Variants in GLI2 observed in about 807,000 individuals in gnomAD.
GLI2 encodes GLI family zinc finger 2, also known as transcription activator GLI2.
A neutral mutation model predicts 78.9 loss-of-function variants in GLI2; 22 were observed. That is an observed-to-expected ratio of 0.28 (90% CI 0.20 to 0.40). The LOEUF is 0.40. Among genes scored for constraint, GLI2 ranks in the 10% least tolerant of loss-of-function variants. The pLI is 1.00. For missense variants in GLI2, 2,097 were observed against 2,213.2 expected, an observed-to-expected ratio of 0.95 and a Z score of 1.05; for synonymous variants, 974 against 963.7, an observed-to-expected ratio of 1.01 and a Z score of -0.20.
chr2:120,989,513 G>T lies in GLI2; in HGVS notation c.3548G>T (p.Ser1183Ile). Reference sequence around the variant, plus strand: ...CAGGCTAGCCCTGGGGGCCTGGACAGCACGCAGCCACACCTGCAGCCCCGC... The same window carrying T: ...CAGGCTAGCCCTGGGGGCCTGGACATCACGCAGCCACACCTGCAGCCCCGC... ...GLQASPGGLD[S>I]TQPHLQPRSG... The change falls in exon 14 of 14, where the codon AGC becomes ATC. Residue 1183 changes from serine (S) to isoleucine (I), a missense_variant. Ser to Ile is a moderately radical substitution (Grantham distance 142). Around this residue, in one of 5 missense-constraint regions of GLI2, gnomAD observed 1,290 missense variants for 1,261.7 expected, o/e 1.02. Transcript: ENST00000361492. 1 of 1,611,908 alleles carries T rather than the reference G, an allele frequency of 6.2e-7. No individual in the cohort carries two copies.
chr2:120,927,020 C>T (rs1173971322), intron 2 of GLI2, among the ~76,000 whole-genome samples: 3 of 152,198 alleles, frequency 2.0e-5, no homozygotes, highest in Non-Finnish European at 2.9e-5. Flanking sequence ...GGGCAGAAGC[C>T]GGCGGAGTTG....
At chr2:120,929,001 G>C (rs1388912900) in intron 3 of GLI2, among the ~76,000 whole-genome samples, 1 of 152,094 alleles carries the variant, frequency 6.6e-6, no homozygotes, top group Non-Finnish European at 1.5e-5. Flanking sequence ...CTTGGTTGCC[G>C]AGACTCCTTC....
chr2:120,932,067 C>G (rs1679969818), intron 3 of GLI2, among the ~76,000 whole-genome samples: 1 of 152,190 alleles, frequency 6.6e-6, no homozygotes, highest in African/African-American at 2.4e-5. Flanking sequence ...AGGTGAGAAC[C>G]AGGGCAAAGC....
At chr2:120,797,194 G>A (rs138766706) in intron 1 of GLI2, 97 bp from the exon 2 acceptor site, 78 of 817,604 alleles carry the variant, frequency 9.5e-5, no homozygotes, top group Non-Finnish European at 1.1e-4. Context: ...GAATGAAGTT[G>A]GTTGCTTTAG....
chr2:120,987,522 G>A (rs774323300), intron 13 of GLI2, among the ~76,000 whole-genome samples: 1 of 152,202 alleles, frequency 6.6e-6, no homozygotes, highest in Non-Finnish European at 1.5e-5. Context: ...GGGGTCCTGG[G>A]CTCCCTGTGA....
Position 120,988,360 on chromosome 2 carries a change from G to T in GLI2, c.2395G>T (p.Ala799Ser), listed in dbSNP as rs767780220. 51 of 1,572,442 alleles carry T rather than the reference G, an allele frequency of 3.2e-5. No individual in the cohort carries two copies. The highest frequency in any genetic ancestry group is 9.2e-5 in the South Asian group (8 of 87,372). Residue 799 changes from alanine (A) to serine (S), a missense_variant, in exon 14 of 14, where the codon GCC (alanine) becomes TCC (serine). Physicochemically the swap from Ala to Ser is moderately conservative, Grantham distance 99 (BLOSUM62 1). Coordinates refer to ENST00000361492, the MANE Select transcript of GLI2 (RefSeq NM_001374353.1). Reference sequence around the variant, plus strand: ...CAGCTCCACCAGCACGGTCAGCTCGGCCTACACCGTGAGCCGCCGCTCCTC... The same window carrying T: ...CAGCTCCACCAGCACGGTCAGCTCGTCCTACACCGTGAGCCGCCGCTCCTC... Reference protein sequence around the residue: ...RDSSTSTVSSAYTVSRRSSGI... With the variant: ...RDSSTSTVSSSYTVSRRSSGI...
At chr2:120,900,582 C>G (rs1023327413) in intron 2 of GLI2, among the ~76,000 whole-genome samples, 2 of 152,206 alleles carry the variant, frequency 1.3e-5, no homozygotes, top group Non-Finnish European at 2.9e-5. Context: ...GATGTTAACC[C>G]TTGGCCCTAT....
intron 3 of GLI2, among the ~76,000 whole-genome samples, chr2:120,941,706 G>T (rs1488462042): frequency 6.6e-6 from 1 of 152,220 alleles, no homozygotes; most frequent in African/African-American, 2.4e-5. Flanking sequence ...ACAGCAAAAA[G>T]GTCCCAGTGT....
intron 1 of GLI2, among the ~76,000 whole-genome samples, chr2:120,794,849 C>T (rs1021498196): frequency 2.0e-5 from 3 of 152,048 alleles, no homozygotes; most frequent in East Asian, 3.9e-4. Flanking sequence ...AAAGGAGGCC[C>T]CTGACTCACC....
chr2:120,820,264 A>G (rs1323314650), intron 2 of GLI2, among the ~76,000 whole-genome samples: 1 of 152,206 alleles, frequency 6.6e-6, no homozygotes, highest in Non-Finnish European at 1.5e-5. Flanking sequence ...CCTCTCAGCC[A>G]TCCCAGGCTT....
intron 2 of GLI2, among the ~76,000 whole-genome samples, chr2:120,907,315 T>C (rs1678582123): frequency 6.6e-6 from 1 of 152,118 alleles, no homozygotes; most frequent in African/African-American, 2.4e-5. Flanking sequence ...CCTCTGTGCA[T>C]CTTTAGAGCA....
At chr2:120,873,586 G>A (rs904414307) in intron 2 of GLI2, among the ~76,000 whole-genome samples, 14 of 152,218 alleles carry the variant, frequency 9.2e-5, no homozygotes. Flanking sequence ...TAATGTATTA[G>A]TATAGAGATA....
In GLI2 at chr2:120,984,588, A is replaced by G. The variant is rs766641925; in HGVS notation, c.1750A>G (p.Asn584Asp). 6.2e-7 allele frequency: 1 copy of G among 1,614,212 alleles called. No homozygotes were observed. Among genetic ancestry groups the G allele is most frequent in the Non-Finnish European group, 8.5e-7 (1 of 1,180,032 alleles). ...PDAHVTKKQR[N>D]DVHLRTPLLK... ...TGCCCACGTCACCAAGAAGCAGCGC[A>G]ATGACGTGCACCTCCGCACACCGCT... Residue 584 changes from asparagine (N) to aspartate (D), a missense_variant, in exon 12 of 14, where the codon AAT (asparagine) becomes GAT (aspartate). Asn to Asp is a conservative substitution (Grantham distance 23). Around this residue, in one of 5 missense-constraint regions of GLI2, gnomAD observed 57 missense variants for 44.5 expected, o/e 1.28. Coordinates refer to ENST00000361492, the MANE Select transcript of GLI2 (RefSeq NM_001374353.1).
intron 2 of GLI2, among the ~76,000 whole-genome samples, chr2:120,831,216 G>A (rs969841575): frequency 5.9e-5 from 9 of 152,112 alleles, no homozygotes; most frequent in Admixed American, 3.3e-4. Flanking sequence ...GCCCTGTCCC[G>A]ATGCCTGGCC....
chr2:120,740,108 A>G (rs1028277948), intron 1 of GLI2, among the ~76,000 whole-genome samples: 1 of 88,152 alleles, frequency 1.1e-5, no homozygotes, highest in African/African-American at 4.2e-5. Context: ...ATCAAGAATT[A>G]AAAAAAAAAT....
intron 1 of GLI2, 130 bp from the exon 2 acceptor site, chr2:120,797,161 C>T: frequency 1.4e-6 from 1 of 739,196 alleles, no homozygotes; most frequent in South Asian, 1.5e-5. Context: ...ATTAAACCCT[C>T]CTTCCCAATT....
At chr2:120,848,113 GC>G (rs528026011) in intron 2 of GLI2, among the ~76,000 whole-genome samples, 120 of 152,338 alleles carry the variant, frequency 7.9e-4, no homozygotes, top group African/African-American at 2.5e-3. Context: ...AGCTTGTCCG[GC>G]CCCCGCAGAC....
intron 2 of GLI2, among the ~76,000 whole-genome samples, chr2:120,916,171 A>T (rs1160871844): frequency 1.3e-5 from 2 of 152,180 alleles, no homozygotes; most frequent in Non-Finnish European, 2.9e-5. Context: ...GCCCAGCAAC[A>T]GCCTGAGAAA....
At chr2:120,967,577 C>T (rs746062588) in intron 5 of GLI2, among the ~76,000 whole-genome samples, 8 of 152,224 alleles carry the variant, frequency 5.3e-5, no homozygotes, top group Non-Finnish European at 1.2e-4. Context: ...GCCCTCTTCC[C>T]TTCCACAGTT....
Sources: allele counts gnomAD v4.1 joint callset (sites outside exome capture counted in the v4.1 genomes callset), GRCh38; gene constraint gnomAD v4.1.1; regional missense constraint gnomAD v4.1.1; transcripts MANE v1.5; gene names NCBI Gene and HGNC (gene_info 2026-07-23, HGNC 2026-07-21).